The following CERS6 variants were observed in gnomAD, a reference collection of about 807,000 sequenced individuals.
CERS6 encodes the protein ceramide synthase 6.
CERS6 carries 26 observed loss-of-function variants against 56.8 expected under a neutral mutation model. The observed-to-expected ratio is 0.46, with a 90% CI of 0.34 to 0.63. The LOEUF (loss-of-function observed/expected upper bound fraction) is 0.63, where lower values mean the gene tolerates loss of function less well. Among genes scored for constraint, CERS6 ranks in the 30% least tolerant of loss-of-function variants. The pLI is 0.01. For synonymous variants in CERS6, 164 were observed against 173.3 expected, an observed-to-expected ratio of 0.95 and a Z score of 0.42; for missense variants, 415 against 467.5, an observed-to-expected ratio of 0.89 and a Z score of 1.04.
intron 1 of CERS6, among the ~76,000 whole-genome samples, chr2:168,461,104 AT>A (rs995589899): frequency 2.6e-5 from 4 of 152,080 alleles, no homozygotes; most frequent in Admixed American, 1.3e-4. Flanking sequence ...TACTGAAGGA[AT>A]TTGTTCCTCA....
intron 3 of CERS6, among the ~76,000 whole-genome samples, chr2:168,605,937 G>A (rs1237403923): frequency 6.6e-6 from 1 of 152,206 alleles, no homozygotes; most frequent in Admixed American, 6.5e-5. Context: ...GTGCAGAGGG[G>A]AAATGTGGGG....
intron 1 of CERS6, among the ~76,000 whole-genome samples, chr2:168,461,974 C>T (rs1329918381): frequency 5.3e-5 from 8 of 152,170 alleles, no homozygotes; most frequent in Non-Finnish European, 7.3e-5. Flanking sequence ...ATACCAGTTC[C>T]ATGGCTTTGT....
At chr2:168,713,972 G>A (rs189857966) in intron 6 of CERS6, among the ~76,000 whole-genome samples, 2 of 152,194 alleles carry the variant, frequency 1.3e-5, no homozygotes, top group East Asian at 3.9e-4. Flanking sequence ...GCAAAATACT[G>A]TAGATTTGGA....
Position 168,701,659 on chromosome 2 carries a change from C to T in CERS6, c.609+6608C>T, listed in dbSNP as rs927517202. On this transcript the variant is annotated intron_variant, in intron 6 of 9. Coordinates refer to ENST00000305747, the MANE Select transcript of CERS6 (RefSeq NM_203463.3). ...GGGAATTGGTTCCAGGACCACCAAC[C>T]CCCGCCCCCGAGGATACCAAAATTC... Among the ~76,000 whole-genome samples the T allele has an allele frequency of 2.0e-5, 3 of 151,988 alleles. 1 individual carries two copies. The highest frequency in any genetic ancestry group is 4.2e-4 in the South Asian group (2 of 4,814).
At chr2:168,542,249 G>A (rs147776409) in intron 1 of CERS6, among the ~76,000 whole-genome samples, 47 of 152,226 alleles carry the variant, frequency 3.1e-4, no homozygotes, top group African/African-American at 7.7e-4. Flanking sequence ...AGACAGTTGT[G>A]GATTCAAATA....
chr2:168,541,332 T>G (rs983184361), intron 1 of CERS6, among the ~76,000 whole-genome samples: 10 of 152,200 alleles, frequency 6.6e-5, no homozygotes, highest in African/African-American at 2.4e-4. Flanking sequence ...TTTTACCAGA[T>G]TTTGGAAGTT....
chr2:168,474,858 C>A (rs1273707651), intron 1 of CERS6, among the ~76,000 whole-genome samples: 1 of 152,086 alleles, frequency 6.6e-6, no homozygotes, highest in Non-Finnish European at 1.5e-5. Context: ...CATAAGTTAC[C>A]TTGAACAAGA....
At position 168,769,724 on chromosome 2, in the gene CERS6, T is replaced by A; in HGVS notation, c.*62T>A. On this transcript the variant is annotated 3_prime_UTR_variant, in exon 10 of 10. Transcript: ENST00000305747. Reference sequence around the variant, plus strand: ...TTTGTTCCTGGAAGTATTTAATAAGTTGCAAATGCAGTTCCTTTCATAATA... The same window carrying A: ...TTTGTTCCTGGAAGTATTTAATAAGATGCAAATGCAGTTCCTTTCATAATA... 1 of 1,550,636 alleles carries A rather than the reference T, an allele frequency of 6.4e-7. No individual in the cohort carries two copies. Among genetic ancestry groups the A allele is most frequent in the Non-Finnish European group, 8.8e-7 (1 of 1,138,922 alleles).
intron 3 of CERS6, among the ~76,000 whole-genome samples, chr2:168,615,140 C>T (rs2105277638): frequency 6.6e-6 from 1 of 152,192 alleles, no homozygotes; most frequent in Non-Finnish European, 1.5e-5. Flanking sequence ...ACTTGGCTCT[C>T]AGGAAGCCAC....
intron 3 of CERS6, among the ~76,000 whole-genome samples, chr2:168,579,027 A>C (rs1036418774): frequency 6.6e-6 from 1 of 152,204 alleles, no homozygotes; most frequent in African/African-American, 2.4e-5. Context: ...TAATCTGAAC[A>C]GGAACACAAT....
chr2:168,468,151 C>T (rs978766975), intron 1 of CERS6, among the ~76,000 whole-genome samples: 3 of 152,074 alleles, frequency 2.0e-5, no homozygotes, highest in African/African-American at 7.2e-5. Flanking sequence ...AGTGGGGGGC[C>T]GCTGTGTGCC....
At chr2:168,539,440 A>G (rs1695326705) in intron 1 of CERS6, among the ~76,000 whole-genome samples, 1 of 152,260 alleles carries the variant, frequency 6.6e-6, no homozygotes, top group East Asian at 1.9e-4. Context: ...TGATCTAAAA[A>G]AGAATTAAAC....
At chr2:168,509,282 A>T (rs1164769354) in intron 1 of CERS6, among the ~76,000 whole-genome samples, 2 of 152,224 alleles carry the variant, frequency 1.3e-5, no homozygotes, top group African/African-American at 4.8e-5. Flanking sequence ...AGTAAAACCC[A>T]TGGAGAGCAA....
At chr2:168,495,511 G>A (rs758606496) in intron 1 of CERS6, among the ~76,000 whole-genome samples, 8 of 152,098 alleles carry the variant, frequency 5.3e-5, no homozygotes, top group Non-Finnish European at 1.0e-4. Flanking sequence ...AGAAGCAAAC[G>A]CAAACCTGTT....
intron 1 of CERS6, among the ~76,000 whole-genome samples, chr2:168,540,803 C>T (rs1695354534): frequency 6.6e-6 from 1 of 152,044 alleles, no homozygotes; most frequent in Non-Finnish European, 1.5e-5. Context: ...TTCTTTTTAT[C>T]TTTGGTTTTC....
intron 4 of CERS6, among the ~76,000 whole-genome samples, chr2:168,673,903 A>G (rs1305035614): frequency 6.6e-6 from 1 of 152,188 alleles, no homozygotes; most frequent in Non-Finnish European, 1.5e-5. Context: ...TTTTCTTTTA[A>G]TATATTCACT....
chr2:168,718,013 C>A, intron 8 of CERS6, 35 bp downstream of exon 8: 1 of 1,432,694 alleles, frequency 7.0e-7, no homozygotes, highest in Non-Finnish European at 9.7e-7. Context: ...ATAGAGCCAC[C>A]CTTTCCAAAT....
chr2:168,732,221 C>T (rs1011540651), intron 8 of CERS6, among the ~76,000 whole-genome samples: 8 of 152,150 alleles, frequency 5.3e-5, no homozygotes, highest in Non-Finnish European at 1.0e-4. Flanking sequence ...ATGGCATTTT[C>T]CTGAAGCACT....
intron 3 of CERS6, among the ~76,000 whole-genome samples, chr2:168,622,188 G>C (rs922903747): frequency 6.6e-6 from 1 of 152,096 alleles, no homozygotes; most frequent in Admixed American, 6.5e-5. Flanking sequence ...GCTTCCCTGG[G>C]CCACACTGAA....
Sources: gnomAD v4.1 joint callset for allele counts (sites outside exome capture counted in the v4.1 genomes callset) on GRCh38, gnomAD v4.1.1 for gene constraint, MANE v1.5 for transcripts, NCBI Gene and HGNC (gene_info 2026-07-23, HGNC 2026-07-21) for gene names.